Variants in MYOCOS observed in about 807,000 individuals in gnomAD.
MYOCOS encodes the protein myocilin opposite strand, also known as myocilin opposite strand protein.
chr1:171,606,944 AT>A (rs1335228243), intron 1 of MYOCOS, among the ~76,000 whole-genome samples: 1 of 152,082 alleles, frequency 6.6e-6, no homozygotes. Flanking sequence ...ATACAAAAAA[AT>A]AAGCTGGGTG....
chr1:171,621,392 T>TC (rs1652566425), upstream of MYOCOS, among the ~76,000 whole-genome samples: 3 of 149,562 alleles, frequency 2.0e-5, no homozygotes, highest in Non-Finnish European at 3.0e-5. Context: ...TTTTTTTTTT[T>TC]TGAGACGTAG....
chr1:171,619,575 A>C (rs1265244532), upstream of MYOCOS, among the ~76,000 whole-genome samples: 1 of 152,226 alleles, frequency 6.6e-6, no homozygotes, highest in Non-Finnish European at 1.5e-5. Context: ...AAGGCCGAGC[A>C]CAGTGGTTCA....
intron 1 of MYOCOS, among the ~76,000 whole-genome samples, chr1:171,605,721 A>T (rs1316461131): frequency 6.8e-6 from 1 of 148,036 alleles, no homozygotes; most frequent in African/African-American, 2.5e-5. Context: ...TGACCTCCTT[A>T]AAAAAAAAAA....
chr1:171,609,546 T>C (rs1652317466), intron 1 of MYOCOS, among the ~76,000 whole-genome samples: 1 of 152,214 alleles, frequency 6.6e-6, no homozygotes. Context: ...CTGGGAATGA[T>C]GGTGAGACAC....
chr1:171,616,869 G>A (rs570439846), intron 2 of MYOCOS, among the ~76,000 whole-genome samples: 1 of 152,298 alleles, frequency 6.6e-6, no homozygotes, highest in South Asian at 2.1e-4. Context: ...TGTTATCACA[G>A]CCATGTAGCC....
chr1:171,601,752 T>C (rs1331252580), intron 1 of MYOCOS, among the ~76,000 whole-genome samples: 7 of 152,132 alleles, frequency 4.6e-5, no homozygotes, highest in Non-Finnish European at 8.8e-5. Flanking sequence ...CAGTTACAGC[T>C]GGTTTTAGAC....
At chr1:171,616,265 C>T (rs970279718) in intron 2 of MYOCOS, among the ~76,000 whole-genome samples, 3 of 151,204 alleles carry the variant, frequency 2.0e-5, no homozygotes, top group South Asian at 2.1e-4. Flanking sequence ...AAGGGCTGGG[C>T]GCAGTGGCTC....
At chr1:171,625,217 G>C (rs918428952) in intron 2 of MYOCOS, among the ~76,000 whole-genome samples, 5 of 152,178 alleles carry the variant, frequency 3.3e-5, no homozygotes, top group African/African-American at 1.2e-4. Flanking sequence ...TGTGGTCCCT[G>C]TGCTCTAATG....
rs1342631398 is a variant in MYOCOS, at chr1:171,615,457, A to G, written c.-44+452A>G. 2.0e-5 allele frequency among the ~76,000 whole-genome samples: 3 copies of G among 152,204 alleles called. No individual in the cohort carries two copies. The East Asian group carries it at 5.8e-4, about 29-fold the overall frequency. ...TGAGGGAAGAGAGAGTCCCTCTCATATTGTTTTATACTCAGTACCTGTTTT... is the reference window on the plus strand; with the variant it reads ...TGAGGGAAGAGAGAGTCCCTCTCATGTTGTTTTATACTCAGTACCTGTTTT... On this transcript the variant is annotated intron_variant, in intron 2 of 3. Coordinates refer to the MYOCOS transcript ENST00000636697.
chr1:171,606,226 C>T (rs1572201508), intron 1 of MYOCOS, among the ~76,000 whole-genome samples: 1 of 152,122 alleles, frequency 6.6e-6, no homozygotes, highest in African/African-American at 2.4e-5. Context: ...CCTTAGTTCA[C>T]CAAAATGCTT....
intron 1 of MYOCOS, among the ~76,000 whole-genome samples, chr1:171,603,155 C>A (rs1652175372): frequency 6.6e-6 from 1 of 152,194 alleles, no homozygotes; most frequent in African/African-American, 2.4e-5. Flanking sequence ...TTCCGTCTCC[C>A]AACACTAAGT....
chr1:171,616,171 C>T (rs1255407814), intron 2 of MYOCOS, among the ~76,000 whole-genome samples: 2 of 152,142 alleles, frequency 1.3e-5, no homozygotes, highest in African/African-American at 4.8e-5. Flanking sequence ...GAGCCAAGAT[C>T]GTGCCACTGC....
At chr1:171,619,945 C>T (rs1341331562), upstream of MYOCOS, among the ~76,000 whole-genome samples, 1 of 151,150 alleles carries the variant, frequency 6.6e-6, no homozygotes, top group African/African-American at 2.4e-5. Flanking sequence ...AGAAGCCCCT[C>T]CAACATCAGA....
At chr1:171,621,199 T>C (rs1244815182), upstream of MYOCOS, among the ~76,000 whole-genome samples, 1 of 152,184 alleles carries the variant, frequency 6.6e-6, no homozygotes, top group African/African-American at 2.4e-5. Flanking sequence ...CAGGTCATGG[T>C]CACTCATATT....
chr1:171,605,050 A>C (rs1572201133), intron 1 of MYOCOS, among the ~76,000 whole-genome samples: 1 of 152,266 alleles, frequency 6.6e-6, no homozygotes, highest in East Asian at 1.9e-4. Context: ...TGATGAACTA[A>C]ATGTGCCAGT....
intron 1 of MYOCOS, among the ~76,000 whole-genome samples, chr1:171,608,558 C>T (rs1245508812): frequency 6.6e-6 from 1 of 151,830 alleles, no homozygotes; most frequent in African/African-American, 2.4e-5. Context: ...GCTGGGACTA[C>T]AGGCACCTGC....
upstream of MYOCOS, among the ~76,000 whole-genome samples, chr1:171,617,556 C>T (rs926459961): frequency 1.3e-5 from 2 of 152,108 alleles, no homozygotes; most frequent in Non-Finnish European, 2.9e-5. Flanking sequence ...TTTCAACTAA[C>T]TGGTAGAAAA....
At chr1:171,611,404 A>G (rs1372426402) in intron 1 of MYOCOS, among the ~76,000 whole-genome samples, 1 of 152,098 alleles carries the variant, frequency 6.6e-6, no homozygotes, top group Admixed American at 6.5e-5. Context: ...GCTCAAACTC[A>G]TGACTTTCAG....
chr1:171,611,159 C>T (rs1652344917), intron 1 of MYOCOS, among the ~76,000 whole-genome samples: 1 of 152,228 alleles, frequency 6.6e-6, no homozygotes, highest in Non-Finnish European at 1.5e-5. Context: ...TTTTGCAATT[C>T]CTGCTTGCAC....
Sources: gnomAD v4.1 joint callset for allele counts (sites outside exome capture counted in the v4.1 genomes callset) on GRCh38, gnomAD v4.1.1 for gene constraint, MANE v1.5 for transcripts, NCBI Gene and HGNC (gene_info 2026-07-23, HGNC 2026-07-21) for gene names.